The following PAX7 variants were observed in gnomAD, a reference collection of about 807,000 sequenced individuals.
PAX7 encodes the protein paired box 7.
PAX7 carries 18 observed loss-of-function variants against 50.7 expected under a neutral mutation model. That is an observed-to-expected ratio of 0.36 (90% CI 0.25 to 0.53). PAX7 has a LOEUF of 0.53. PAX7 is among the 20% of genes least tolerant of loss of function. PAX7 has a pLI of 0.93. For synonymous variants in PAX7, 310 were observed against 290.4 expected (o/e 1.07, Z -0.69); for missense variants, 644 against 702.9 (o/e 0.92, Z 0.95).
In PAX7 at chr1:18,744,984, C is replaced by T. The variant is rs1931372734; in HGVS notation, c.*55C>T. The T allele has an allele frequency of 5.7e-6, 6 of 1,053,162 alleles. No homozygotes were observed. The highest frequency in any genetic ancestry group is 8.6e-6 in the Non-Finnish European group (6 of 699,376). 65.2% of individuals were successfully genotyped at this position (1,053,162 alleles called of 1,614,324 possible). ...TTCCCAGCCCAACCCTAACTGACCC[C>T]TGAGCTTCCCAGCCTTGCCGCCTCA... is the stretch of plus-strand genomic sequence containing the variant. On this transcript the variant is annotated 3_prime_UTR_variant, in exon 9 of 9. Coordinates refer to ENST00000420770, the MANE Select transcript of PAX7 (RefSeq NM_001135254.2).
At chr1:18,723,590 G>A (rs1306005929) in intron 7 of PAX7, among the ~76,000 whole-genome samples, 10 of 152,246 alleles carry the variant, frequency 6.6e-5, no homozygotes, top group East Asian at 5.8e-4. Flanking sequence ...AGCCACAAAC[G>A]TGTCCAGGAC....
At chr1:18,731,285 G>A (rs916843767) in intron 7 of PAX7, among the ~76,000 whole-genome samples, 2 of 152,274 alleles carry the variant, frequency 1.3e-5, no homozygotes, top group African/African-American at 4.8e-5. Flanking sequence ...AAAGGTCCCC[G>A]GGAAGCCAGA....
Position 18,700,846 on chromosome 1 carries a change from C to G in PAX7, c.952+28C>G. 1 of 1,392,478 alleles carries G rather than the reference C, an allele frequency of 7.2e-7. No homozygotes were observed. Among genetic ancestry groups the G allele is most frequent in the Non-Finnish European group, 9.4e-7 (1 of 1,063,540 alleles). 86.3% of individuals were successfully genotyped at this position (1,392,478 alleles called of 1,614,324 possible). On this transcript the variant is annotated intron_variant, in intron 6 of 8. Coordinates refer to ENST00000420770, the MANE Select transcript of PAX7 (RefSeq NM_001135254.2). The surrounding 1 kb of genome is among the most constrained non-coding windows in gnomAD (Gnocchi z 4.8). ...GAGTGTCTTGGCCCCGTCCTGCCAT[C>G]TCAGTGGTGCCCCTTCCCTTCTTTC...
chr1:18,709,114 C>G (rs149757055), intron 7 of PAX7, among the ~76,000 whole-genome samples: 63 of 152,226 alleles, frequency 4.1e-4, no homozygotes, highest in African/African-American at 1.4e-3. Flanking sequence ...ATCTCCCAAC[C>G]TTTTTAAGAT....
intron 4 of PAX7, among the ~76,000 whole-genome samples, chr1:18,682,904 T>A (rs2088919711): frequency 6.6e-6 from 1 of 152,180 alleles, no homozygotes; most frequent in Non-Finnish European, 1.5e-5. Flanking sequence ...CCTGCTCCTG[T>A]ACCCTCACTC....
At chr1:18,720,559 T>C (rs928178461) in intron 7 of PAX7, among the ~76,000 whole-genome samples, 1 of 151,402 alleles carries the variant, frequency 6.6e-6, no homozygotes, top group Non-Finnish European at 1.5e-5. Context: ...AGCTGGGGTA[T>C]GAGGTGCTGA....
At chr1:18,687,344 C>T (rs751199508) in intron 4 of PAX7, among the ~76,000 whole-genome samples, 83 of 152,232 alleles carry the variant, frequency 5.5e-4, no homozygotes, top group Non-Finnish European at 1.0e-3. Flanking sequence ...AGACAGAGCC[C>T]ACAAGCCAGG....
chr1:18,667,106 A>G (rs529598644), intron 4 of PAX7, among the ~76,000 whole-genome samples: 4 of 152,284 alleles, frequency 2.6e-5, no homozygotes, highest in African/African-American at 7.2e-5. Flanking sequence ...GCTGCAGATC[A>G]AAAGACAGCT....
chr1:18,745,919 C>CT lies in PAX7; in HGVS notation c.*993dup, dbSNP rs914628984. Reference sequence around the variant, plus strand: ...TCCCTCTGTTTGTGGGAGGGCAAGCCTTTGTTGCCCAAGGCTTCAGCTCTC... The same window carrying CT: ...TCCCTCTGTTTGTGGGAGGGCAAGCCTTTTGTTGCCCAAGGCTTCAGCTCTC... On this transcript the variant is annotated 3_prime_UTR_variant, in exon 9 of 9. Coordinates refer to ENST00000420770, the MANE Select transcript of PAX7 (RefSeq NM_001135254.2). 3 of 231,920 alleles carry CT rather than the reference C, an allele frequency of 1.3e-5. No individual in the cohort carries two copies. Among genetic ancestry groups the CT allele is most frequent in the African/African-American group, 6.6e-5 (3 of 45,392 alleles). 14.4% of individuals were successfully genotyped at this position (231,920 alleles called of 1,614,324 possible).
At chr1:18,642,310 T>C (rs953710986) in intron 4 of PAX7, among the ~76,000 whole-genome samples, 1 of 152,068 alleles carries the variant, frequency 6.6e-6, no homozygotes, top group Non-Finnish European at 1.5e-5. Context: ...GATATAAACA[T>C]GTAATGTACA....
At chr1:18,701,865 G>C (rs1235350520) in intron 6 of PAX7, among the ~76,000 whole-genome samples, 2 of 152,190 alleles carry the variant, frequency 1.3e-5, no homozygotes, top group Non-Finnish European at 2.9e-5. Flanking sequence ...GTGGGTGAGA[G>C]AGGATAGGGG....
At chr1:18,678,778 T>G (rs1033906109) in intron 4 of PAX7, among the ~76,000 whole-genome samples, 1 of 151,080 alleles carries the variant, frequency 6.6e-6, no homozygotes, top group African/African-American at 2.5e-5. Flanking sequence ...CAACAGGAAC[T>G]AATTTGAAGC....
At chr1:18,705,656 G>A (rs1002879289) in intron 7 of PAX7, among the ~76,000 whole-genome samples, 1 of 152,192 alleles carries the variant, frequency 6.6e-6, no homozygotes, top group African/African-American at 2.4e-5. Flanking sequence ...GTGGGTCGGG[G>A]ATGGGAAACC....
At chr1:18,685,669 AC>A (rs1462910521) in intron 4 of PAX7, among the ~76,000 whole-genome samples, 11 of 152,234 alleles carry the variant, frequency 7.2e-5, no homozygotes, top group African/African-American at 2.7e-4. Flanking sequence ...TCACTCACTC[AC>A]AGAAGCCATG....
At chr1:18,645,354 C>T (rs2088321902) in intron 4 of PAX7, among the ~76,000 whole-genome samples, 1 of 152,224 alleles carries the variant, frequency 6.6e-6, no homozygotes, top group Non-Finnish European at 1.5e-5. Flanking sequence ...CACGAAAAGA[C>T]CGAAGATCAA....
intron 4 of PAX7, among the ~76,000 whole-genome samples, chr1:18,653,628 T>C (rs2088467814): frequency 6.6e-6 from 1 of 152,106 alleles, no homozygotes; most frequent in South Asian, 2.1e-4. Context: ...GTGATACCTG[T>C]ACCATGTGAC....
intron 4 of PAX7, among the ~76,000 whole-genome samples, chr1:18,670,082 C>CAAAAA (rs10626256): frequency 8.6e-5 from 7 of 81,316 alleles, no homozygotes; most frequent in Admixed American, 1.5e-4. Flanking sequence ...GACTCCATCT[C>CAAAAA]AAAAAAAAAA....
chr1:18,694,384 G>C (rs936331604), intron 5 of PAX7, among the ~76,000 whole-genome samples: 1 of 151,568 alleles, frequency 6.6e-6, no homozygotes, highest in South Asian at 2.1e-4. Context: ...GCTTGAACTC[G>C]GTAGGTGGAG....
chr1:18,656,848 C>A (rs528362189), intron 4 of PAX7, among the ~76,000 whole-genome samples: 1 of 151,780 alleles, frequency 6.6e-6, no homozygotes, highest in Admixed American at 6.6e-5. Flanking sequence ...AAAAATTAGC[C>A]GGGCATGGTG....
Sources: allele counts gnomAD v4.1 joint callset (sites outside exome capture counted in the v4.1 genomes callset), GRCh38; gene constraint gnomAD v4.1.1; non-coding constraint Gnocchi (gnomAD v3.1); transcripts MANE v1.5; gene names NCBI Gene and HGNC (gene_info 2026-07-23, HGNC 2026-07-21).